SNX31: variants seen among roughly 807,000 people sequenced by gnomAD.
SNX31 encodes the protein sorting nexin-31.
SNX31 carries 58 observed loss-of-function variants against 65.4 expected under a neutral mutation model. The observed-to-expected ratio is 0.89, with a 90% confidence interval of 0.72 to 1.10. The LOEUF (loss-of-function observed/expected upper bound fraction) is 1.10. Among genes scored for constraint, SNX31 ranks in the 50% least tolerant of loss-of-function variants. SNX31 has a pLI of 0.00. For missense variants in SNX31, 523 were observed against 529.7 expected, an observed-to-expected ratio of 0.99 and a Z score of 0.12; for synonymous variants, 181 against 190.1, an observed-to-expected ratio of 0.95 and a Z score of 0.39.
chr8:100,593,875 C>T (rs377193678), intron 10 of SNX31, among the ~76,000 whole-genome samples: 21 of 143,678 alleles, frequency 1.5e-4, no homozygotes, highest in African/African-American at 5.0e-4. Flanking sequence ...ACTTCAGCAT[C>T]TATAACAGGA....
At chr8:100,628,891 G>A (rs1405604266) in intron 4 of SNX31, among the ~76,000 whole-genome samples, 1 of 151,304 alleles carries the variant, frequency 6.6e-6, no homozygotes, top group Non-Finnish European at 1.5e-5. Flanking sequence ...ACAGCAAACT[G>A]CACATATGGC....
chr8:100,621,774 T>C (rs891418313), intron 4 of SNX31, among the ~76,000 whole-genome samples: 1 of 152,248 alleles, frequency 6.6e-6, no homozygotes, highest in Non-Finnish European at 1.5e-5. Context: ...CTCTTTGCCA[T>C]TGGTCAGGAT....
chr8:100,636,804 C>T (rs1056350128), intron 2 of SNX31, among the ~76,000 whole-genome samples: 2 of 152,128 alleles, frequency 1.3e-5, no homozygotes, highest in Non-Finnish European at 2.9e-5. Context: ...TCACTGCAAC[C>T]TCCGCCTCCT....
rs138258619 is a variant in SNX31, at chr8:100,647,061, C to G, written c.141+2213G>C. Among the ~76,000 whole-genome samples the G allele has an allele frequency of 3.9e-5, 6 of 152,238 alleles. No individual in the cohort carries two copies. The East Asian group carries it at 9.6e-4, about 24-fold the overall frequency. On this transcript the variant is annotated intron_variant, in intron 2 of 13. Transcript: ENST00000311812. ...TACAGGTAAAGTGTTTGGTACCAAA[C>G]TCAGCACACAGTAACTACTTGTTAT...
chr8:100,607,304 G>A (rs886944262), intron 8 of SNX31, among the ~76,000 whole-genome samples: 3 of 152,208 alleles, frequency 2.0e-5, no homozygotes, highest in African/African-American at 4.8e-5. Context: ...CGAAGATGGC[G>A]GTGTGGTGAG....
At chr8:100,595,209 A>G (rs1476439898) in intron 10 of SNX31, among the ~76,000 whole-genome samples, 2 of 152,214 alleles carry the variant, frequency 1.3e-5, no homozygotes, top group African/African-American at 2.4e-5. Context: ...TCTGACCTCC[A>G]GGAGGAAAGA....
At chr8:100,574,484 T>A (rs1812871624) in intron 13 of SNX31, among the ~76,000 whole-genome samples, 1 of 151,872 alleles carries the variant, frequency 6.6e-6, no homozygotes, top group Non-Finnish European at 1.5e-5. Context: ...TACAAAAAAA[T>A]TAGCTAGGCA....
rs1316686926 is a variant in SNX31 at position 100,578,435 on chromosome 8, C to G, written c.1171-1360G>C. 6.6e-6 allele frequency among the ~76,000 whole-genome samples: 1 copy of G among 152,190 alleles called. No homozygotes were observed. The highest frequency in any genetic ancestry group is 6.5e-5 in the Admixed American group (1 of 15,288). On this transcript the variant is annotated intron_variant, in intron 12 of 13. Coordinates refer to ENST00000311812, the MANE Select transcript of SNX31 (RefSeq NM_152628.4). The surrounding 1 kb of genome is among the most constrained non-coding windows in gnomAD (Gnocchi z 4.7). The stretch of plus-strand genomic sequence containing the variant: ...AGGTTTAGCCATCACATGGTACACA[C>G]AGGCATTCATAAATGACAGAATAAA...
chr8:100,611,504 C>G (rs893973097), intron 7 of SNX31, among the ~76,000 whole-genome samples: 1 of 152,156 alleles, frequency 6.6e-6, no homozygotes, highest in Non-Finnish European at 1.5e-5. Context: ...ACATCCTATT[C>G]TTTAGGACAA....
upstream of SNX31, among the ~76,000 whole-genome samples, chr8:100,650,972 C>T (rs761835410): frequency 6.6e-6 from 1 of 151,868 alleles, no homozygotes; most frequent in Non-Finnish European, 1.5e-5. Flanking sequence ...CCTGCCTCAG[C>T]CTCCTGAGTA....
At chr8:100,627,551 T>G (rs1818126601) in intron 4 of SNX31, among the ~76,000 whole-genome samples, 2 of 151,986 alleles carry the variant, frequency 1.3e-5, no homozygotes, top group South Asian at 2.1e-4. Context: ...TTAAAAAAAT[T>G]TTTTTTTCGA....
chr8:100,628,700 C>T lies in SNX31; in HGVS notation c.321+1627G>A, dbSNP rs541146229. 8.7e-4 allele frequency among the ~76,000 whole-genome samples: 132 copies of T among 151,972 alleles called. No individual in the cohort carries two copies. In the Middle Eastern group the frequency reaches 0.024, roughly 28 times the overall value. On this transcript the variant is annotated intron_variant, in intron 4 of 13. Coordinates refer to ENST00000311812, the MANE Select transcript of SNX31 (RefSeq NM_152628.4). ...GCACATGTCTACATATGTAACAAAC[C>T]TGCATATTGTGCACATGTACCCTAA...
chr8:100,638,353 T>G (rs1818922785), intron 2 of SNX31, among the ~76,000 whole-genome samples: 1 of 152,234 alleles, frequency 6.6e-6, no homozygotes, highest in Non-Finnish European at 1.5e-5. Context: ...ATCTCCAGTC[T>G]TGCTAGCCAC....
At chr8:100,595,277 G>A (rs1586887409) in intron 10 of SNX31, among the ~76,000 whole-genome samples, 1 of 151,738 alleles carries the variant, frequency 6.6e-6, no homozygotes, top group South Asian at 2.1e-4. Flanking sequence ...GGCATGTTGA[G>A]ACCAAGCTGT....
Position 100,575,958 on chromosome 8 carries a change from G to T in SNX31, c.1227+1061C>A, listed in dbSNP as rs1271257623. Among the ~76,000 whole-genome samples the T allele has an allele frequency of 6.6e-6, 1 of 152,172 alleles. No homozygotes were observed. Among genetic ancestry groups the T allele is most frequent in the Non-Finnish European group, 1.5e-5 (1 of 68,028 alleles). On this transcript the variant is annotated intron_variant, in intron 13 of 13. Coordinates refer to ENST00000311812, the MANE Select transcript of SNX31 (RefSeq NM_152628.4). This position sits in a 1 kb window ranked among gnomAD's most constrained non-coding sequence, Gnocchi z 5.1. ...TGCTGTCGGCATGCTGCTAAAATGGGTGCATTAAAATGATGAAGTGATTGC... is the reference window on the plus strand; with the variant it reads ...TGCTGTCGGCATGCTGCTAAAATGGTTGCATTAAAATGATGAAGTGATTGC...
Position 100,617,393 on chromosome 8 carries a change from A to G in SNX31, c.432+227T>C, listed in dbSNP as rs1817303654. Among the ~76,000 whole-genome samples the G allele has an allele frequency of 2.0e-5, 3 of 152,086 alleles. No individual in the cohort carries two copies. The South Asian group carries it at 6.2e-4, about 32-fold the overall frequency. On this transcript the variant is annotated intron_variant, in intron 5 of 13. Transcript: ENST00000311812. ...CAGCCTTCCAGGAGATCTCTGGAAA[A>G]TTGGTGCCCCCAGGGAGGGTGAAAT...
intron 4 of SNX31, among the ~76,000 whole-genome samples, chr8:100,628,548 C>T (rs1157426879): frequency 2.1e-5 from 3 of 143,014 alleles, no homozygotes; most frequent in Non-Finnish European, 4.5e-5. Flanking sequence ...AATGAGAACA[C>T]ATGGACACAG....
chr8:100,622,354 G>A lies in SNX31; in HGVS notation c.322-4624C>T, dbSNP rs1367729230. ...AAAAAGAACTAGCATAGTAGCGTCC[G>A]CAATGGGGCATTTTCCAGGTGTGGT... is the stretch of plus-strand genomic sequence containing the variant. On this transcript the variant is annotated intron_variant, in intron 4 of 13. Transcript: ENST00000311812. The surrounding 1 kb of genome is among the most constrained non-coding windows in gnomAD (Gnocchi z 5.0). 1.3e-5 allele frequency among the ~76,000 whole-genome samples: 2 copies of A among 152,060 alleles called. No homozygotes were observed. Among genetic ancestry groups the A allele is most frequent in the East Asian group, 1.9e-4 (1 of 5,184 alleles).
At chr8:100,593,083 AGTGTTC>A (rs1814734513) in intron 10 of SNX31, among the ~76,000 whole-genome samples, 1 of 152,226 alleles carries the variant, frequency 6.6e-6, no homozygotes, top group Non-Finnish European at 1.5e-5. Flanking sequence ...CAGGTGATAA[AGTGTTC>A]TAAAATTGAT....
Sources: gnomAD v4.1 joint callset for allele counts (sites outside exome capture counted in the v4.1 genomes callset) on GRCh38, gnomAD v4.1.1 for gene constraint, Gnocchi (gnomAD v3.1) non-coding constraint, MANE v1.5 for transcripts, NCBI Gene and HGNC (gene_info 2026-07-23, HGNC 2026-07-21) for gene names.